The following TIMP2 variants were observed in gnomAD, a reference collection of about 807,000 sequenced individuals.
TIMP2 encodes metalloproteinase inhibitor 2.
Under a neutral mutation model 24.3 loss-of-function variants are expected in TIMP2, and 5 were observed. That is an observed-to-expected ratio of 0.21 (90% CI 0.11 to 0.43). TIMP2 has a LOEUF of 0.43. Ranked by LOEUF, TIMP2 falls within the 20% of genes least tolerant of loss-of-function variation. The probability of loss-of-function intolerance (pLI) is 1.00; values close to 1 mark genes in which losing one functional copy is unlikely to be tolerated. For missense variants in TIMP2, 221 were observed against 297.5 expected, an observed-to-expected ratio of 0.74 and a Z score of 1.89; for synonymous variants, 130 against 123.2, an observed-to-expected ratio of 1.06 and a Z score of -0.37.
chr17:78,917,251 C>CAAAAAAA (rs10592875), intron 1 of TIMP2, among the ~76,000 whole-genome samples: 4,192 of 77,158 alleles, frequency 0.054, 101 homozygotes, highest in Middle Eastern at 0.076. Flanking sequence ...GACTCCGTCT[C>CAAAAAAA]AAAAAAAAAA....
At chr17:78,895,234 T>C (rs1211255592) in intron 1 of TIMP2, among the ~76,000 whole-genome samples, 1 of 152,112 alleles carries the variant, frequency 6.6e-6, no homozygotes, top group Non-Finnish European at 1.5e-5. Flanking sequence ...TGAGCTGAGA[T>C]TGCACCATTG....
chr17:78,856,052 G>A, intron 4 of TIMP2, 188 bp from the exon 5 acceptor site: 2 of 626,164 alleles, frequency 3.2e-6, no homozygotes, highest in Non-Finnish European at 2.8e-6. Context: ...TAACCTGCAG[G>A]GAAGCTGTGC....
chr17:78,892,130 T>TG (rs1568000346), intron 1 of TIMP2: 6 of 1,550,870 alleles, frequency 3.9e-6, no homozygotes, highest in Non-Finnish European at 5.2e-6. Context: ...GCCACCGACG[T>TG]GCAGGTGCTG....
rs200386858 is a variant in TIMP2 at position 78,914,260 on chromosome 17, C to CATTTATTTATTTATTT, written c.130+10683_130+10698dup. Among the ~76,000 whole-genome samples, 872 of 97,118 alleles carry CATTTATTTATTTATTT rather than the reference C, an allele frequency of 9.0e-3. 8 individuals are homozygous for CATTTATTTATTTATTT. The highest frequency in any genetic ancestry group is 0.013 in the South Asian group (48 of 3,636). The allele number at this position is 97,118 out of a possible 152,430, so 63.7% of individuals were successfully genotyped here. On this transcript the variant is annotated intron_variant, in intron 1 of 4. Transcript: ENST00000262768. ...ATCTGCCTTCGAAATTTTGGCTATT[C>CATTTATTTATTTATTT]ATTTATTTATTTATTTATTTATTTA...
At chr17:78,901,651 G>T (rs12941365) in intron 1 of TIMP2, 306,182 of 704,134 alleles carry the variant, frequency 0.43, 69,204 homozygotes, top group African/African-American at 0.66. Flanking sequence ...TAGGCCAAGC[G>T]ACTTCACTCT....
At chr17:78,875,321 G>A in intron 1 of TIMP2, among the ~76,000 whole-genome samples, 1 of 152,176 alleles carries the variant, frequency 6.6e-6, no homozygotes, top group East Asian at 1.9e-4. Flanking sequence ...GAAGGAAAGA[G>A]GATCCCAACT....
At chr17:78,866,248 A>G (rs948026703) in intron 3 of TIMP2, among the ~76,000 whole-genome samples, 10 of 152,030 alleles carry the variant, frequency 6.6e-5, no homozygotes, top group Non-Finnish European at 1.5e-4. Context: ...ACTGCAGACC[A>G]TGCCTCTGCC....
chr17:78,890,757 CGTCGTCGGCG>C (rs2069876106), intron 1 of TIMP2: 2 of 1,550,498 alleles, frequency 1.3e-6, no homozygotes, highest in Non-Finnish European at 1.7e-6. Flanking sequence ...CTGTGCCGGT[CGTCGTCGGCG>C]AGGCTGGTGC....
Position 78,855,541 on chromosome 17 carries a change from A to C in TIMP2, c.*126T>G. ...AAGGAGAAGGGGGGAGCAGAATCAT[A>C]TTAATTTGGACCCATGGGATGAGTG... On this transcript the variant is annotated 3_prime_UTR_variant, in exon 5 of 5. Coordinates refer to ENST00000262768, the MANE Select transcript of TIMP2 (RefSeq NM_003255.5). The surrounding 1 kb of genome is among the most constrained non-coding windows in gnomAD (Gnocchi z 6.0). 1 of 1,111,366 alleles carries C rather than the reference A, an allele frequency of 9.0e-7. No individual in the cohort carries two copies. 68.8% of individuals were successfully genotyped at this position (1,111,366 alleles called of 1,614,324 possible).
intron 1 of TIMP2, among the ~76,000 whole-genome samples, chr17:78,879,704 T>C (rs371874688): frequency 1.3e-5 from 2 of 152,202 alleles, no homozygotes; most frequent in South Asian, 4.1e-4. Flanking sequence ...TCCCTTCTGC[T>C]GTGAACACAA....
At chr17:78,902,067 C>G in intron 1 of TIMP2, 2 of 508,838 alleles carry the variant, frequency 3.9e-6, no homozygotes, top group Non-Finnish European at 7.0e-6. Flanking sequence ...CTCTTCTCCC[C>G]AACTCTTAGC....
intron 1 of TIMP2, among the ~76,000 whole-genome samples, chr17:78,918,178 T>C (rs1337885072): frequency 4.6e-5 from 7 of 152,146 alleles, no homozygotes; most frequent in Non-Finnish European, 1.0e-4. Flanking sequence ...TCACACACTC[T>C]GGGTTAGGAC....
chr17:78,897,455 G>GT (rs2070020892), intron 1 of TIMP2: 1 of 152,218 alleles, frequency 6.6e-6, no homozygotes, highest in Non-Finnish European at 1.5e-5. Flanking sequence ...CAGGGCGGTT[G>GT]TAACAAAGGC....
chr17:78,905,774 T>C (rs1264769361), intron 1 of TIMP2, among the ~76,000 whole-genome samples: 3 of 152,256 alleles, frequency 2.0e-5, no homozygotes, highest in African/African-American at 4.8e-5. Flanking sequence ...GATTCACTAC[T>C]GGCCTAAGGC....
rs1420685656 is a variant in TIMP2 at position 78,854,915 on chromosome 17, T to C, written c.*752A>G. ...GATTCCTCCTGCAAGCTGGGGAGCA[T>C]GTGGGCGGGGGGGGGGGGGTGGGGG... On this transcript the variant is annotated 3_prime_UTR_variant, in exon 5 of 5. Transcript: ENST00000262768. The C allele has an allele frequency of 5.4e-4, 1 of 1,840 alleles. No homozygotes were observed. Among genetic ancestry groups the C allele is most frequent in the Non-Finnish European group, 1.2e-3 (1 of 822 alleles). 0.1% of individuals were successfully genotyped at this position (1,840 alleles called of 1,614,324 possible).
chr17:78,893,161 G>T (rs1213672867), intron 1 of TIMP2, among the ~76,000 whole-genome samples: 2 of 148,894 alleles, frequency 1.3e-5, no homozygotes, highest in African/African-American at 4.9e-5. Flanking sequence ...GTGTGCAGGG[G>T]TGTGTGTGCA....
At position 78,881,203 on chromosome 17, in the gene TIMP2, C is replaced by T. The variant is rs564519531; in HGVS notation, c.131-7284G>A. Among the ~76,000 whole-genome samples the T allele has an allele frequency of 2.0e-5, 3 of 152,390 alleles. No individual in the cohort carries two copies. In the East Asian group the frequency reaches 5.8e-4, roughly 29 times the overall value. On this transcript the variant is annotated intron_variant, in intron 1 of 4. Transcript: ENST00000262768. ...AGGGCACTGGCCCCTCCCAGCCGTC[C>T]ACCCTCTTCTGCAGGCTCCAGCTTT...
intron 3 of TIMP2, among the ~76,000 whole-genome samples, chr17:78,864,392 CCTTCCTTCCTT>C (rs1567992056): frequency 6.6e-5 from 10 of 150,612 alleles, no homozygotes; most frequent in Non-Finnish European, 1.5e-4. Context: ...TCCCTCCCTT[CCTTCCTTCCTT>C]CCTTCCTCCC....
chr17:78,867,593 TC>T (rs367878570), intron 3 of TIMP2, among the ~76,000 whole-genome samples: 2 of 138,798 alleles, frequency 1.4e-5, no homozygotes, highest in South Asian at 4.7e-4. Flanking sequence ...TTTTGTACCT[TC>T]TTTTTTTTTT....
Sources: allele counts gnomAD v4.1 joint callset (sites outside exome capture counted in the v4.1 genomes callset), GRCh38; gene constraint gnomAD v4.1.1; non-coding constraint Gnocchi (gnomAD v3.1); transcripts MANE v1.5; gene names NCBI Gene and HGNC (gene_info 2026-07-23, HGNC 2026-07-21).